The following PRKCE variants were observed in gnomAD, a reference collection of about 807,000 sequenced individuals.
PRKCE encodes the protein protein kinase C epsilon.
Under a neutral mutation model 85.4 loss-of-function variants are expected in PRKCE, and 16 were observed. That is an observed-to-expected ratio of 0.19 (90% CI 0.13 to 0.28). The LOEUF is 0.28. Ranked by LOEUF, PRKCE falls within the 10% of genes least tolerant of loss-of-function variation. PRKCE has a pLI of 1.00. For missense variants in PRKCE, 573 were observed against 975.2 expected (o/e 0.59, Z 5.49); for synonymous variants, 388 against 371.5 (o/e 1.04, Z -0.51).
At chr2:46,014,058 G>T (rs528726644) in intron 10 of PRKCE, among the ~76,000 whole-genome samples, 1 of 152,178 alleles carries the variant, frequency 6.6e-6, no homozygotes, top group African/African-American at 2.4e-5. Context: ...TACTGAGCCC[G>T]CCTACCCTTG....
At chr2:45,726,608 C>T (rs920304254) in intron 1 of PRKCE, among the ~76,000 whole-genome samples, 4 of 152,180 alleles carry the variant, frequency 2.6e-5, no homozygotes, top group African/African-American at 9.6e-5. Context: ...AATTTACGTA[C>T]ACTGGGAAAC....
chr2:45,897,270 C>T (rs944456334), intron 2 of PRKCE, among the ~76,000 whole-genome samples: 19 of 152,138 alleles, frequency 1.2e-4, no homozygotes, highest in East Asian at 9.7e-4. Context: ...GTAATCTTGG[C>T]CAGCATTCCC....
intron 1 of PRKCE, among the ~76,000 whole-genome samples, chr2:45,657,280 G>A (rs1208318460): frequency 6.6e-6 from 1 of 151,978 alleles, no homozygotes; most frequent in Non-Finnish European, 1.5e-5. Flanking sequence ...GCGAAGTCTG[G>A]AGTCACACTG....
At position 45,660,726 on chromosome 2, in the gene PRKCE, C is replaced by T. The variant is rs550773390; in HGVS notation, c.348+8278C>T. 1.2e-4 allele frequency among the ~76,000 whole-genome samples: 18 copies of T among 152,302 alleles called. 1 individual carries two copies. Among genetic ancestry groups the T allele is most frequent in the African/African-American group, 3.6e-4 (15 of 41,568 alleles). On this transcript the variant is annotated intron_variant, in intron 1 of 14. Coordinates refer to ENST00000306156, the MANE Select transcript of PRKCE (RefSeq NM_005400.3). ...ACACTTGGCAAAACATTATATTTCTCTCCAAGTTCCTCTGGGTATATATGG... is the reference window on the plus strand; with the variant it reads ...ACACTTGGCAAAACATTATATTTCTTTCCAAGTTCCTCTGGGTATATATGG...
At chr2:46,097,409 A>T (rs1250796217) in intron 11 of PRKCE, among the ~76,000 whole-genome samples, 1 of 151,632 alleles carries the variant, frequency 6.6e-6, no homozygotes, top group Non-Finnish European at 1.5e-5. Flanking sequence ...AGTCCCAGCT[A>T]CTCGGGAGGC....
intron 10 of PRKCE, among the ~76,000 whole-genome samples, chr2:46,079,087 G>T (rs11676347): frequency 0.31 from 45,951 of 149,222 alleles, 7,864 homozygotes; most frequent in African/African-American, 0.45. Context: ...TGAGGCAGGA[G>T]AATTGCTTGA....
At chr2:46,008,594 G>A (rs536697451) in intron 9 of PRKCE, among the ~76,000 whole-genome samples, 8 of 152,180 alleles carry the variant, frequency 5.3e-5, no homozygotes, top group Non-Finnish European at 1.0e-4. Context: ...GCAGCAGCCT[G>A]TAGGTCAGTC....
intron 10 of PRKCE, among the ~76,000 whole-genome samples, chr2:46,081,791 C>T (rs2103851255): frequency 6.6e-6 from 1 of 152,230 alleles, no homozygotes; most frequent in South Asian, 2.1e-4. Context: ...AACAGGGAGA[C>T]TTTAATAGAA....
At chr2:45,809,964 C>G (rs1035071646) in intron 1 of PRKCE, among the ~76,000 whole-genome samples, 1 of 152,040 alleles carries the variant, frequency 6.6e-6, no homozygotes, top group African/African-American at 2.4e-5. Context: ...GCTCCTTTAT[C>G]TAGAGGCAGT....
intron 1 of PRKCE, among the ~76,000 whole-genome samples, chr2:45,811,662 A>G (rs4296473): frequency 0.91 from 138,977 of 152,276 alleles, 63,437 homozygotes; most frequent in Admixed American, 0.93. Flanking sequence ...AGGCCGGGAA[A>G]AGGGTAATGT....
chr2:45,811,700 A>G (rs1454353717), intron 1 of PRKCE, among the ~76,000 whole-genome samples: 1 of 152,340 alleles, frequency 6.6e-6, no homozygotes, highest in Non-Finnish European at 1.5e-5. Context: ...ATGTTCCCCA[A>G]TTATGGGGAG....
At chr2:45,837,404 A>T (rs1690970743) in intron 1 of PRKCE, among the ~76,000 whole-genome samples, 1 of 152,142 alleles carries the variant, frequency 6.6e-6, no homozygotes, top group African/African-American at 2.4e-5. Flanking sequence ...CTACAGGTGC[A>T]TGCCTCCACA....
At chr2:45,966,475 T>G (rs1701737853) in intron 2 of PRKCE, among the ~76,000 whole-genome samples, 1 of 152,202 alleles carries the variant, frequency 6.6e-6, no homozygotes, top group Admixed American at 6.5e-5. Flanking sequence ...GCTGACATCT[T>G]TCAGCTTTTG....
At chr2:46,113,845 C>G (rs929323476) in intron 11 of PRKCE, among the ~76,000 whole-genome samples, 1 of 152,180 alleles carries the variant, frequency 6.6e-6, no homozygotes, top group South Asian at 2.1e-4. Flanking sequence ...GACTCCTGAA[C>G]GAGGACCAGC....
At chr2:45,950,653 T>G (rs1429103204) in intron 2 of PRKCE, among the ~76,000 whole-genome samples, 1 of 152,140 alleles carries the variant, frequency 6.6e-6, no homozygotes, top group Non-Finnish European at 1.5e-5. Flanking sequence ...AAGTGTCTAA[T>G]AAGCCATGGA....
chr2:45,836,362 G>C (rs1158840254), intron 1 of PRKCE, among the ~76,000 whole-genome samples: 2 of 152,264 alleles, frequency 1.3e-5, no homozygotes, highest in East Asian at 3.9e-4. Context: ...TCTGCTTTTT[G>C]ACCAGTCACT....
At chr2:45,725,069 G>A (rs532476859) in intron 1 of PRKCE, among the ~76,000 whole-genome samples, 2 of 152,182 alleles carry the variant, frequency 1.3e-5, no homozygotes, top group Non-Finnish European at 2.9e-5. Flanking sequence ...AGCTTCAAAG[G>A]CCAGCCTGTC....
intron 10 of PRKCE, among the ~76,000 whole-genome samples, chr2:46,079,037 T>C (rs1055380848): frequency 2.0e-5 from 3 of 151,794 alleles, no homozygotes; most frequent in African/African-American, 7.3e-5. Context: ...ATTAGCAAGG[T>C]GTGGTGGCGT....
chr2:45,823,576 G>T (rs1325267424), intron 1 of PRKCE, among the ~76,000 whole-genome samples: 1 of 152,226 alleles, frequency 6.6e-6, no homozygotes, highest in Non-Finnish European at 1.5e-5. Flanking sequence ...TCACTCCACA[G>T]CAAGAAAGTC....
Sources: allele counts gnomAD v4.1 joint callset (sites outside exome capture counted in the v4.1 genomes callset), GRCh38; gene constraint gnomAD v4.1.1; transcripts MANE v1.5; gene names NCBI Gene and HGNC (gene_info 2026-07-23, HGNC 2026-07-21).